The following ARHGEF10L variants were observed in gnomAD, a reference collection of about 807,000 sequenced individuals.
ARHGEF10L encodes the protein rho guanine nucleotide exchange factor 10-like protein.
Under a neutral mutation model 141.2 loss-of-function variants are expected in ARHGEF10L, and 69 were observed. That is an observed-to-expected ratio of 0.49 (90% CI 0.40 to 0.60). ARHGEF10L has a LOEUF of 0.60. Among genes scored for constraint, ARHGEF10L ranks in the 20% least tolerant of loss-of-function variants. ARHGEF10L has a pLI of 0.00. For synonymous variants in ARHGEF10L, 711 were observed against 718.5 expected, an observed-to-expected ratio of 0.99 and a Z score of 0.17; for missense variants, 1,482 against 1,734.3, an observed-to-expected ratio of 0.85 and a Z score of 2.58.
intron 4 of ARHGEF10L, among the ~76,000 whole-genome samples, chr1:17,590,483 C>T (rs912440235): frequency 4.6e-5 from 7 of 152,062 alleles, no homozygotes; most frequent in Non-Finnish European, 7.4e-5. Context: ...CTTGTGAGGG[C>T]GGAGGGGTGT....
At chr1:17,566,602 T>C (rs976247141) in intron 1 of ARHGEF10L, among the ~76,000 whole-genome samples, 2 of 152,152 alleles carry the variant, frequency 1.3e-5, no homozygotes, top group African/African-American at 4.8e-5. Context: ...ACTGGATCAT[T>C]GCCAGGTGTT....
chr1:17,598,631 C>T (rs895790160), intron 4 of ARHGEF10L, among the ~76,000 whole-genome samples: 4 of 152,212 alleles, frequency 2.6e-5, no homozygotes, highest in Non-Finnish European at 2.9e-5. Context: ...AAAGGCCCCA[C>T]CGCCTAATAC....
At chr1:17,560,211 A>G (rs1300744782) in intron 1 of ARHGEF10L, among the ~76,000 whole-genome samples, 2 of 152,030 alleles carry the variant, frequency 1.3e-5, no homozygotes, top group African/African-American at 2.4e-5. Context: ...TGCTGTATCT[A>G]TTTTACAGCA....
chr1:17,641,548 G>A (rs891204204), intron 21 of ARHGEF10L, among the ~76,000 whole-genome samples: 12 of 151,904 alleles, frequency 7.9e-5, no homozygotes, highest in South Asian at 2.1e-4. Context: ...GCTTGAATCC[G>A]GGAGTTCGAG....
chr1:17,614,936 A>G (rs1570930973), intron 8 of ARHGEF10L, among the ~76,000 whole-genome samples: 1 of 152,258 alleles, frequency 6.6e-6, no homozygotes, highest in East Asian at 1.9e-4. Context: ...TGGAGGTGAT[A>G]GAGCAGAGAC....
rs2080874779 is a variant in ARHGEF10L at position 17,603,361 on chromosome 1, A to C, written c.350-147A>C. The C allele has an allele frequency of 3.7e-6, 2 of 544,940 alleles. No homozygotes were observed. Among genetic ancestry groups the C allele is most frequent in the Admixed American group, 3.4e-5 (1 of 29,564 alleles). The allele number at this position is 544,940 out of a possible 1,614,324, so 33.8% of individuals were successfully genotyped here. A position where few individuals can be genotyped will look rare whatever the true frequency, so the allele number is the denominator to read the frequency against. On this transcript the variant is annotated intron_variant, in intron 5 of 28. Transcript: ENST00000361221. This position sits in a 1 kb window ranked among gnomAD's most constrained non-coding sequence, Gnocchi z 4.8. ...GAGGGAGCCGGCATCCCCTGAGGGC[A>C]GCTGGCGGAGCTAAGGGCTGGGCTG...
chr1:17,542,017 T>C (rs2076746214), intron 1 of ARHGEF10L, among the ~76,000 whole-genome samples: 1 of 152,084 alleles, frequency 6.6e-6, no homozygotes, highest in Non-Finnish European at 1.5e-5. Context: ...TGCACGTCTG[T>C]AATCCCAGCT....
chr1:17,689,129 G>T (rs1371566681), intron 27 of ARHGEF10L, among the ~76,000 whole-genome samples: 1 of 152,084 alleles, frequency 6.6e-6, no homozygotes, highest in South Asian at 2.1e-4. Context: ...GTAGACCAGA[G>T]GCAGGACCAC....
chr1:17,685,162 T>TC (rs1249612467), intron 26 of ARHGEF10L, among the ~76,000 whole-genome samples: 1 of 152,156 alleles, frequency 6.6e-6, no homozygotes, highest in East Asian at 1.9e-4. Context: ...CCACGCGAGG[T>TC]CTTCGGGGGC....
At chr1:17,689,094 C>T (rs984150012) in intron 27 of ARHGEF10L, among the ~76,000 whole-genome samples, 3 of 152,110 alleles carry the variant, frequency 2.0e-5, no homozygotes, top group Admixed American at 1.3e-4. Flanking sequence ...TTCAGCAGGC[C>T]GGGCGTCTTG....
At chr1:17,662,159 C>T (rs1281564224) in intron 25 of ARHGEF10L, among the ~76,000 whole-genome samples, 4 of 152,082 alleles carry the variant, frequency 2.6e-5, no homozygotes, top group Admixed American at 1.3e-4. Flanking sequence ...CGCTGTGTCT[C>T]GGTTGTCTCC....
rs564258785 is a variant in ARHGEF10L at position 17,654,690 on chromosome 1, G to A, written c.2449G>A (p.Val817Ile). ...VNCPLLGFSA[V>I]STSLPQGYLW... The stretch of plus-strand genomic sequence containing the variant: ...CTGTCCCCTGCTGGGTTTCTCAGCA[G>A]TCAGCACCTCCCTTCCACAGGGCTA... The change falls in exon 23 of 29, where the codon GTC (valine) becomes ATC (isoleucine). Residue 817 changes from valine to isoleucine, a missense_variant. Physicochemically the swap from Val to Ile is conservative, Grantham distance 29. Around this residue, in one of 3 missense-constraint regions of ARHGEF10L, gnomAD observed 858 missense variants for 966.3 expected, o/e 0.89. Transcript: ENST00000361221. This position sits in a 1 kb window ranked among gnomAD's most constrained non-coding sequence, Gnocchi z 4.3. The A allele has an allele frequency of 5.0e-6, 8 of 1,614,182 alleles. No individual in the cohort carries two copies. The highest frequency in any genetic ancestry group is 2.7e-5 in the African/African-American group (2 of 75,058).
At chr1:17,683,199 CGGGGT>C in intron 26 of ARHGEF10L, among the ~76,000 whole-genome samples, 1 of 133,558 alleles carries the variant, frequency 7.5e-6, no homozygotes. Flanking sequence ...CTGCTCTCAC[CGGGGT>C]GCTCACTGCC....
In ARHGEF10L at chr1:17,656,051, AC is replaced by A; in HGVS notation, c.2658del (p.Ser887ArgfsTer31). The A allele has an allele frequency of 6.4e-7, 1 of 1,567,048 alleles. No individual in the cohort carries two copies. The highest frequency in any genetic ancestry group is 8.7e-7 in the Non-Finnish European group (1 of 1,155,586). On this transcript the variant is annotated frameshift_variant, in exon 24 of 29. Transcript: ENST00000361221. LOFTEE classifies it high-confidence loss of function. The surrounding 1 kb of genome is among the most constrained non-coding windows in gnomAD (Gnocchi z 4.9). ...ESRDESPTVA[D>X]PSATVHPTIC... ...AGAGACGAGAGCCCGACAGTTGCTGACCCCTCGGCCACGGTGCATCCAACCA... is the reference window on the plus strand; with the variant it reads ...AGAGACGAGAGCCCGACAGTTGCTGACCCTCGGCCACGGTGCATCCAACCA...
chr1:17,541,997 G>A (rs527726925), intron 1 of ARHGEF10L, among the ~76,000 whole-genome samples: 1 of 152,098 alleles, frequency 6.6e-6, no homozygotes, highest in African/African-American at 2.4e-5. Flanking sequence ...AAATTAGCTG[G>A]GTGTGGTGGT....
At chr1:17,559,660 G>A (rs1033823862) in intron 1 of ARHGEF10L, among the ~76,000 whole-genome samples, 1 of 152,168 alleles carries the variant, frequency 6.6e-6, no homozygotes, top group African/African-American at 2.4e-5. Flanking sequence ...GGTCTGTAGG[G>A]CCACCTCTCT....
intron 8 of ARHGEF10L, among the ~76,000 whole-genome samples, chr1:17,614,473 A>G (rs1459947389): frequency 6.6e-6 from 1 of 152,102 alleles, no homozygotes; most frequent in Non-Finnish European, 1.5e-5. Flanking sequence ...ATGCCAAGAG[A>G]AGGGCCTCAG....
At position 17,619,159 on chromosome 1, in the gene ARHGEF10L, G is replaced by A. The variant is rs990558122; in HGVS notation, c.836-180G>A. ...GATGGAATGTTCCAGGCCCTGGGAC[G>A]TAGCAGGGAACTCCTGAGAAGGAGC... On this transcript the variant is annotated intron_variant, in intron 9 of 28. Transcript: ENST00000361221. The surrounding 1 kb of genome is among the most constrained non-coding windows in gnomAD (Gnocchi z 5.0). 1.3e-5 allele frequency among the ~76,000 whole-genome samples: 2 copies of A among 152,118 alleles called. No individual in the cohort carries two copies. The highest frequency in any genetic ancestry group is 1.9e-4 in the East Asian group (1 of 5,174).
chr1:17,567,359 C>G lies in ARHGEF10L; in HGVS notation c.-43-13194C>G, dbSNP rs142223778. Among the ~76,000 whole-genome samples the G allele has an allele frequency of 4.1e-3, 619 of 152,174 alleles. 4 individuals are homozygous for G. The highest frequency in any genetic ancestry group is 0.014 in the African/African-American group (579 of 41,522). On this transcript the variant is annotated intron_variant, in intron 1 of 28. Coordinates refer to ENST00000361221, the MANE Select transcript of ARHGEF10L (RefSeq NM_018125.4). ...TTGCTGCCTGGAGGGGTTTGCTGTC[C>G]CTAAATTGAGCAGAATTTTTTTTTT...
Sources: allele counts gnomAD v4.1 joint callset (sites outside exome capture counted in the v4.1 genomes callset), GRCh38; gene constraint gnomAD v4.1.1; regional missense constraint gnomAD v4.1.1; non-coding constraint Gnocchi (gnomAD v3.1); transcripts MANE v1.5; gene names NCBI Gene and HGNC (gene_info 2026-07-23, HGNC 2026-07-21).